Variants in PLA2G4D observed in about 807,000 individuals in gnomAD.
PLA2G4D encodes the protein cytosolic phospholipase A2 delta.
PLA2G4D carries 80 observed loss-of-function variants against 94.4 expected under a neutral mutation model. That is an observed-to-expected ratio of 0.85 (90% confidence interval 0.71 to 1.02). The LOEUF (loss-of-function observed/expected upper bound fraction) is 1.02. PLA2G4D is among the 50% of genes least tolerant of loss of function. The pLI is 0.00. For synonymous variants in PLA2G4D, 438 were observed against 440.9 expected, an observed-to-expected ratio of 0.99 and a Z score of 0.08; for missense variants, 1,050 against 1,034.7, an observed-to-expected ratio of 1.01 and a Z score of -0.20.
chr15:42,082,376 T>G lies in PLA2G4D; in HGVS notation c.686A>C (p.Asn229Thr), dbSNP rs765824104. Reference protein sequence around the residue: ...LSGRLRSSRSNGWNGDNSAGY... With the variant: ...LSGRLRSSRSTGWNGDNSAGY... The stretch of plus-strand genomic sequence containing the variant: ...AGCTGAGTTGTCCCCATTCCAGCCA[T>G]TGCTTCTGGAGCTCTGAAGGGAAAG... The change falls in exon 9 of 20, where the codon AAT becomes ACT. Residue 229 changes from asparagine to threonine, a missense_variant. Asn to Thr is a moderately conservative substitution (Grantham distance 65). Transcript: ENST00000290472. 1 of 1,613,918 alleles carries G rather than the reference T, an allele frequency of 6.2e-7. No individual in the cohort carries two copies. The highest frequency in any genetic ancestry group is 1.1e-5 in the South Asian group (1 of 91,074).
Position 42,072,258 on chromosome 15 carries a change from A to T in PLA2G4D, c.1435+17T>A, listed in dbSNP as rs1889840677. On this transcript the variant is annotated intron_variant, in intron 14 of 19. Transcript: ENST00000290472. The stretch of plus-strand genomic sequence containing the variant: ...TGGGGGGTGGAGTATGTGGGAGGGG[A>T]GTAGGTAGAACTGTACCCTTGAAGT... 6.3e-7 allele frequency: 1 copy of T among 1,593,586 alleles called. No individual in the cohort carries two copies. Among genetic ancestry groups the T allele is most frequent in the South Asian group, 1.1e-5 (1 of 90,308 alleles).
chr15:42,071,801 G>A lies in PLA2G4D; in HGVS notation c.1546C>T (p.Pro516Ser). ...FFMGRLMRRIPEPRICFLEAI... is the reference protein window; with the variant it reads ...FFMGRLMRRISEPRICFLEAI... The stretch of plus-strand genomic sequence containing the variant: ...TCCAGAAAGCAGATCCGGGGCTCCG[G>A]GATCCTCCTCATCAGCCGTCCCATG... Residue 516 changes from proline (P) to serine (S), a missense_variant, in exon 15 of 20, where the codon CCG becomes TCG. Physicochemically the swap from Pro to Ser is moderately conservative, Grantham distance 74 (BLOSUM62 -1). Coordinates refer to ENST00000290472, the MANE Select transcript of PLA2G4D (RefSeq NM_178034.4). The A allele has an allele frequency of 1.2e-6, 2 of 1,614,128 alleles. No homozygotes were observed. The highest frequency in any genetic ancestry group is 1.7e-6 in the Non-Finnish European group (2 of 1,180,018).
intron 1 of PLA2G4D, among the ~76,000 whole-genome samples, chr15:42,087,914 T>C (rs1038811435): frequency 6.6e-6 from 1 of 152,226 alleles, no homozygotes; most frequent in East Asian, 1.9e-4. Flanking sequence ...AGTCAGGGAA[T>C]AGCAGCACAC....
chr15:42,071,786 A>T lies in PLA2G4D; in HGVS notation c.1561T>A (p.Cys521Ser). The change falls in exon 15 of 20, where the codon TGC (cysteine) becomes AGC (serine). Residue 521 changes from cysteine to serine, a missense_variant. Transcript: ENST00000290472. The part of the protein sequence containing the change: ...LMRRIPEPRI[C>S]FLEAIWSNIF... Reference sequence around the variant, plus strand: ...CCACCACCCTCACCTTCCAGAAAGCAGATCCGGGGCTCCGGGATCCTCCTC... The same window carrying T: ...CCACCACCCTCACCTTCCAGAAAGCTGATCCGGGGCTCCGGGATCCTCCTC... 2.5e-6 allele frequency: 4 copies of T among 1,614,024 alleles called. No homozygotes were observed. Among genetic ancestry groups the T allele is most frequent in the Non-Finnish European group, 3.4e-6 (4 of 1,180,004 alleles).
chr15:42,072,162 C>T lies in PLA2G4D; in HGVS notation c.1435+113G>A. On this transcript the variant is annotated intron_variant, in intron 14 of 19. Transcript: ENST00000290472. Reference sequence around the variant, plus strand: ...TGAGCCCCTCAGCACCACTGCCCTTCCGGAACATTGGGCAATCTGTGCGGA... The same window carrying T: ...TGAGCCCCTCAGCACCACTGCCCTTTCGGAACATTGGGCAATCTGTGCGGA... 3 of 1,099,638 alleles carry T rather than the reference C, an allele frequency of 2.7e-6. No individual in the cohort carries two copies. In the East Asian group the frequency reaches 7.1e-5, roughly 26 times the overall value. The allele number at this position is 1,099,638 out of a possible 1,614,324, so 68.1% of individuals were successfully genotyped here.
At chr15:42,087,049 C>T (rs1384515342) in intron 3 of PLA2G4D, among the ~76,000 whole-genome samples, 1 of 152,162 alleles carries the variant, frequency 6.6e-6, no homozygotes, top group Non-Finnish European at 1.5e-5. Context: ...CTCTTACTGT[C>T]TCTGTTTCAT....
chr15:42,071,037 C>T (rs1222560391), intron 17 of PLA2G4D, 86 bp downstream of exon 17: 46 of 1,554,870 alleles, frequency 3.0e-5, no homozygotes, highest in Non-Finnish European at 4.0e-5. Context: ...GAAGTGGATG[C>T]TGACCTCCTA....
chr15:42,075,587 C>A (rs1889904895), intron 13 of PLA2G4D, among the ~76,000 whole-genome samples: 2 of 152,122 alleles, frequency 1.3e-5, no homozygotes, highest in African/African-American at 4.8e-5. Flanking sequence ...GTGATTCTAT[C>A]ATATAATTAC....
chr15:42,085,953 T>C (rs1314039002), intron 4 of PLA2G4D, among the ~76,000 whole-genome samples: 1 of 151,676 alleles, frequency 6.6e-6, no homozygotes, highest in East Asian at 1.9e-4. Flanking sequence ...CCAGCAGGAG[T>C]GATGGATGCT....
chr15:42,093,147 T>C (rs915063958), intron 1 of PLA2G4D, among the ~76,000 whole-genome samples: 1 of 152,098 alleles, frequency 6.6e-6, no homozygotes, highest in Non-Finnish European at 1.5e-5. Context: ...CCAGCAGAAA[T>C]GAGGCTAGGC....
At position 42,070,783 on chromosome 15, in the gene PLA2G4D, C is replaced by A. The variant is rs773869186; in HGVS notation, c.1977G>T (p.Met659Ile). 1.2e-6 allele frequency: 2 copies of A among 1,601,864 alleles called. No individual in the cohort carries two copies. The highest frequency in any genetic ancestry group is 1.1e-5 in the South Asian group (1 of 88,656). Residue 659 changes from methionine to isoleucine, a missense_variant, in exon 18 of 20, where the codon ATG becomes ATT. Met to Ile is a conservative substitution (Grantham distance 10). Transcript: ENST00000290472. ...AYFINTSSPS[M>I]FRPGRRLDLI... Reference sequence around the variant, plus strand: ...GGTCCAGCCTGCGGCCTGGCCGGAACATGGAGGGAGAGCTGGTGTTGATGA... The same window carrying A: ...GGTCCAGCCTGCGGCCTGGCCGGAAAATGGAGGGAGAGCTGGTGTTGATGA...
chr15:42,089,653 A>G (rs1212617744), intron 1 of PLA2G4D, among the ~76,000 whole-genome samples: 3 of 152,120 alleles, frequency 2.0e-5, no homozygotes, highest in Non-Finnish European at 4.4e-5. Context: ...TGCCGGCCAC[A>G]GGGAGGTGAT....
chr15:42,078,089 A>G (rs1046746233), intron 13 of PLA2G4D, among the ~76,000 whole-genome samples: 1 of 152,262 alleles, frequency 6.6e-6, no homozygotes, highest in Non-Finnish European at 1.5e-5. Flanking sequence ...GTGACTGTGG[A>G]ACTGTCCCTG....
At position 42,074,342 on chromosome 15, in the gene PLA2G4D, T is replaced by C. The variant is rs1172577316; in HGVS notation, c.1318-1950A>G. Among the ~76,000 whole-genome samples the C allele has an allele frequency of 5.3e-5, 8 of 152,212 alleles. No homozygotes were observed. The East Asian group carries it at 1.5e-3, about 29-fold the overall frequency. On this transcript the variant is annotated intron_variant, in intron 13 of 19. Transcript: ENST00000290472. ...GATTCGAGGGTCCCATGGGAAACAC[T>C]GGAGCTTGGTGCAGTACCGGCAATG...
In PLA2G4D at chr15:42,081,538, C is replaced by T. The variant is rs760511047; in HGVS notation, c.898G>A (p.Val300Met). Residue 300 changes from valine to methionine, a missense_variant, in exon 11 of 20, where the codon GTG becomes ATG. Physicochemically the swap from Val to Met is conservative, Grantham distance 21. Coordinates refer to ENST00000290472, the MANE Select transcript of PLA2G4D (RefSeq NM_178034.4). ...EQAFLSRRKQ[V>M]VAKALKQALQ... The stretch of plus-strand genomic sequence containing the variant: ...GCCTGCTTCAGGGCCTTGGCCACCA[C>T]CTGCTTCCTCCTGCTCAGGAAGGCC... 3 of 1,614,106 alleles carry T rather than the reference C, an allele frequency of 1.9e-6. No individual in the cohort carries two copies. Among genetic ancestry groups the T allele is most frequent in the South Asian group, 1.1e-5 (1 of 91,094 alleles).
At chr15:42,086,662 C>T (rs953329700) in intron 3 of PLA2G4D, among the ~76,000 whole-genome samples, 14 of 151,930 alleles carry the variant, frequency 9.2e-5, no homozygotes, top group Non-Finnish European at 2.9e-5. Context: ...ACCAGCCTGG[C>T]CAACATGGTG....
At chr15:42,073,986 G>T (rs1054063156) in intron 13 of PLA2G4D, among the ~76,000 whole-genome samples, 2 of 152,130 alleles carry the variant, frequency 1.3e-5, no homozygotes, top group Non-Finnish European at 2.9e-5. Context: ...TCTCTAAATA[G>T]GGCTCGATCC....
chr15:42,087,692 G>T lies in PLA2G4D; in HGVS notation c.54C>A (p.Ala18=). Residue 18 remains alanine (A), a synonymous_variant, in exon 2 of 20, where the codon GCC becomes GCA. Coordinates refer to ENST00000290472, the MANE Select transcript of PLA2G4D (RefSeq NM_178034.4). ...GPPGHPYQGE[A]STCWQLTVRV... Reference sequence around the variant, plus strand: ...TCACTGTGAGCTGCCAGCAGGTAGAGGCCTCCCCCTGAAGAGAAAATCAAA... The same window carrying T: ...TCACTGTGAGCTGCCAGCAGGTAGATGCCTCCCCCTGAAGAGAAAATCAAA... 1 of 1,614,112 alleles carries T rather than the reference G, an allele frequency of 6.2e-7. No individual in the cohort carries two copies. The highest frequency in any genetic ancestry group is 8.5e-7 in the Non-Finnish European group (1 of 1,180,000).
chr15:42,083,299 C>A lies in PLA2G4D; in HGVS notation c.571G>T (p.Gly191Trp), dbSNP rs767451147. 6.2e-7 allele frequency: 1 copy of A among 1,613,998 alleles called. No homozygotes were observed. Among genetic ancestry groups the A allele is most frequent in the South Asian group, 1.1e-5 (1 of 91,074 alleles). ...GATGTCTGTGTGTCCTCATAGGACC[C>A]CTTCAGCACCAGCTCCAGCTCCAGC... ...DKLELELVLK[G>W]SYEDTQTSFL... Residue 191 changes from glycine (G) to tryptophan (W), a missense_variant, in exon 8 of 20, where the codon GGG becomes TGG. Coordinates refer to ENST00000290472, the MANE Select transcript of PLA2G4D (RefSeq NM_178034.4).
Sources: allele counts gnomAD v4.1 joint callset (sites outside exome capture counted in the v4.1 genomes callset), GRCh38; gene constraint gnomAD v4.1.1; transcripts MANE v1.5; gene names NCBI Gene and HGNC (gene_info 2026-07-23, HGNC 2026-07-21).